COL24A1: variants seen among roughly 807,000 people sequenced by gnomAD.
COL24A1 encodes the protein collagen type XXIV alpha 1 chain.
In COL24A1, 224 loss-of-function variants were observed where a neutral mutation model predicts 253.9. The observed-to-expected ratio is 0.88, with a 90% CI of 0.79 to 0.99. COL24A1 has a LOEUF of 0.99. COL24A1 is among the 50% of genes least tolerant of loss of function. The pLI is 0.00. For synonymous variants in COL24A1, 685 were observed against 673.7 expected (o/e 1.02, Z -0.26); for missense variants, 2,131 against 2,068.5 (o/e 1.03, Z -0.59).
chr1:85,934,769 T>C (rs1299086095), intron 24 of COL24A1, among the ~76,000 whole-genome samples: 1 of 152,148 alleles, frequency 6.6e-6, no homozygotes, highest in African/African-American at 2.4e-5. Context: ...TTCCACATTA[T>C]GCAGGCAGAA....
At chr1:85,756,721 CA>C (rs34860836) in intron 55 of COL24A1, among the ~76,000 whole-genome samples, 9,936 of 152,102 alleles carry the variant, frequency 0.065, 453 homozygotes, top group East Asian at 0.15. Context: ...GGTATATACC[CA>C]AATGAATTGA....
intron 20 of COL24A1, among the ~76,000 whole-genome samples, chr1:85,983,489 C>CT (rs1470312475): frequency 6.6e-6 from 1 of 151,806 alleles, no homozygotes; most frequent in African/African-American, 2.4e-5. Flanking sequence ...AAATAAAAGC[C>CT]TTCTTTATTG....
intron 55 of COL24A1, among the ~76,000 whole-genome samples, chr1:85,759,253 A>G (rs1395136491): frequency 2.0e-5 from 3 of 152,312 alleles, no homozygotes; most frequent in East Asian, 1.9e-4. Context: ...TGCACTCAAC[A>G]TTTATTAAGA....
In COL24A1 at chr1:85,737,467, C is replaced by T. The variant is rs772364988; in HGVS notation, c.4711G>A (p.Asp1571Asn). The part of the protein sequence containing the change: ...WIDPNLGCPS[D>N]AIEVFCNFSA... Reference sequence around the variant, plus strand: ...AAATTGCAGAAAACCTCAATGGCATCTGAAGGACAGCCAAGATTTGGGTCA... The same window carrying T: ...AAATTGCAGAAAACCTCAATGGCATTTGAAGGACAGCCAAGATTTGGGTCA... The change falls in exon 58 of 60, where the codon GAT becomes AAT. Residue 1571 changes from aspartate to asparagine, a missense_variant. By Grantham distance (23) the Asp-to-Asn change is conservative. Transcript: ENST00000370571. The T allele has an allele frequency of 4.3e-6, 7 of 1,612,864 alleles. No individual in the cohort carries two copies. Among genetic ancestry groups the T allele is most frequent in the Non-Finnish European group, 2.5e-6 (3 of 1,179,254 alleles).
intron 52 of COL24A1, among the ~76,000 whole-genome samples, chr1:85,775,932 G>C (rs550833348): frequency 9.9e-5 from 15 of 152,176 alleles, no homozygotes; most frequent in African/African-American, 2.2e-4. Flanking sequence ...GCTGTTCCTA[G>C]TTCTAACCTT....
chr1:85,875,760 CACACACA>C (rs1324934812), intron 33 of COL24A1, among the ~76,000 whole-genome samples: 1 of 140,700 alleles, frequency 7.1e-6, no homozygotes, highest in Non-Finnish European at 1.6e-5. Flanking sequence ...CACACACACA[CACACACA>C]GAGCTTCTTT....
chr1:86,110,594 C>T lies in COL24A1; in HGVS notation c.1599+1973G>A, dbSNP rs113994974. On this transcript the variant is annotated intron_variant, in intron 5 of 59. Transcript: ENST00000370571. Reference sequence around the variant, plus strand: ...AGGCAGGAACTGGGGCTGCGTGCGGCGCTCGCGAGCGAGCGCGAGTTCCGG... The same window carrying T: ...AGGCAGGAACTGGGGCTGCGTGCGGTGCTCGCGAGCGAGCGCGAGTTCCGG... Among the ~76,000 whole-genome samples, 451 of 152,048 alleles carry T rather than the reference C, an allele frequency of 3.0e-3. 4 individuals carry two copies. The highest frequency in any genetic ancestry group is 0.011 in the African/African-American group (439 of 41,514).
Position 85,786,422 on chromosome 1 carries a change from C to T in COL24A1, c.3991G>A (p.Ala1331Thr). Residue 1331 changes from alanine (A) to threonine (T), a missense_variant, in exon 48 of 60, where the codon GCT becomes ACT. Transcript: ENST00000370571. ...CCCTTTACTCCTGGAGGACCTGGAG[C>T]CCCAGCAAGACCTGTTCTTCCTGGG... ...GGPGRTGLAGAPGPPGVKGSS... is the reference protein window; with the variant it reads ...GGPGRTGLAGTPGPPGVKGSS... 1 of 1,613,646 alleles carries T rather than the reference C, an allele frequency of 6.2e-7. No individual in the cohort carries two copies.
chr1:85,767,708 T>G (rs1258452590), intron 53 of COL24A1, among the ~76,000 whole-genome samples: 1 of 151,864 alleles, frequency 6.6e-6, no homozygotes, highest in Non-Finnish European at 1.5e-5. Context: ...ATTTCCCATC[T>G]CCCTTGGGTA....
At chr1:85,883,150 T>G (rs748218291) in intron 32 of COL24A1, among the ~76,000 whole-genome samples, 1 of 152,108 alleles carries the variant, frequency 6.6e-6, no homozygotes, top group Non-Finnish European at 1.5e-5. Flanking sequence ...CTTTATTGCT[T>G]CTTCTTCTTT....
chr1:86,146,298 G>A (rs548203169), intron 1 of COL24A1, 115 bp from the exon 2 acceptor site: 2 of 797,250 alleles, frequency 2.5e-6, no homozygotes, highest in South Asian at 4.0e-5. Flanking sequence ...TAAATAGCAT[G>A]ATATTTTAAT....
intron 45 of COL24A1, among the ~76,000 whole-genome samples, chr1:85,818,292 T>C (rs1260388316): frequency 1.3e-5 from 2 of 152,220 alleles, no homozygotes; most frequent in African/African-American, 4.8e-5. Context: ...AGTAATTTCC[T>C]TGTAGCTCTC....
At chr1:86,071,950 T>C (rs1701906599) in intron 7 of COL24A1, among the ~76,000 whole-genome samples, 1 of 152,152 alleles carries the variant, frequency 6.6e-6, no homozygotes, top group Non-Finnish European at 1.5e-5. Flanking sequence ...CATGAGGGAC[T>C]ATGCCTTGTG....
chr1:86,075,050 C>G (rs1024431124), intron 7 of COL24A1, among the ~76,000 whole-genome samples: 7 of 151,768 alleles, frequency 4.6e-5, no homozygotes, highest in African/African-American at 1.7e-4. Context: ...CAGAGAAGAA[C>G]TGAAGGAGAT....
At chr1:85,924,434 A>G (rs1168552386) in intron 24 of COL24A1, among the ~76,000 whole-genome samples, 1 of 152,240 alleles carries the variant, frequency 6.6e-6, no homozygotes, top group Non-Finnish European at 1.5e-5. Context: ...AAATACTTTC[A>G]AATTGAATCC....
intron 10 of COL24A1, among the ~76,000 whole-genome samples, chr1:86,051,439 A>G (rs147439783): frequency 9.9e-5 from 15 of 152,248 alleles, no homozygotes; most frequent in Non-Finnish European, 2.1e-4. Context: ...TGAGGAAGCA[A>G]CATTTGAGCT....
intron 10 of COL24A1, among the ~76,000 whole-genome samples, chr1:86,052,673 A>G (rs773839007): frequency 2.0e-5 from 3 of 152,018 alleles, no homozygotes; most frequent in Non-Finnish European, 2.9e-5. Flanking sequence ...GTTGTACAAC[A>G]ATTGGATGTA....
intron 24 of COL24A1, among the ~76,000 whole-genome samples, chr1:85,914,404 T>TA (rs1329168439): frequency 7.5e-5 from 11 of 146,974 alleles, no homozygotes; most frequent in Non-Finnish European, 9.1e-5. Context: ...TTTTTTTTTT[T>TA]TCTTGAGATG....
At chr1:86,141,196 C>G (rs755375990) in intron 2 of COL24A1, among the ~76,000 whole-genome samples, 2 of 152,186 alleles carry the variant, frequency 1.3e-5, no homozygotes, top group African/African-American at 2.4e-5. Flanking sequence ...GAGGCAAATG[C>G]TAATGACAGG....
Sources: allele counts gnomAD v4.1 joint callset (sites outside exome capture counted in the v4.1 genomes callset), GRCh38; gene constraint gnomAD v4.1.1; transcripts MANE v1.5; gene names NCBI Gene and HGNC (gene_info 2026-07-23, HGNC 2026-07-21).